Variants in UBE2G1 observed in about 807,000 individuals in gnomAD.
The protein encoded by UBE2G1 is ubiquitin conjugating enzyme E2 G1, also known as ubiquitin-conjugating enzyme E2 G1.
Under a neutral mutation model 22.7 loss-of-function variants are expected in UBE2G1, and 5 were observed. That is an observed-to-expected ratio of 0.22 (90% CI 0.12 to 0.46). The LOEUF (loss-of-function observed/expected upper bound fraction) is 0.46. UBE2G1 is among the 20% of genes least tolerant of loss of function. UBE2G1 has a pLI of 0.99. For synonymous variants in UBE2G1, 74 were observed against 67.5 expected, an observed-to-expected ratio of 1.10 and a Z score of -0.47; for missense variants, 88 against 203.9, an observed-to-expected ratio of 0.43 and a Z score of 3.46.
chr17:4,315,798 TCC>T (rs1194347985), intron 1 of UBE2G1, among the ~76,000 whole-genome samples: 8 of 46,502 alleles, frequency 1.7e-4, no homozygotes, highest in African/African-American at 2.3e-4. Context: ...GAAAAGAGGC[TCC>T]TTTTTTTTTT....
chr17:4,301,521 A>T (rs916899243), intron 2 of UBE2G1: 4 of 1,136,734 alleles, frequency 3.5e-6, no homozygotes, highest in Non-Finnish European at 5.3e-6. Context: ...GCAGGTGAAC[A>T]CCATGAAATT....
chr17:4,361,627 C>T (rs1371894676), intron 1 of UBE2G1, among the ~76,000 whole-genome samples: 1 of 152,120 alleles, frequency 6.6e-6, no homozygotes, highest in Non-Finnish European at 1.5e-5. Context: ...AACATACATA[C>T]AAGAACCTCT....
chr17:4,296,352 T>C (rs1314686404), intron 3 of UBE2G1, among the ~76,000 whole-genome samples: 1 of 152,180 alleles, frequency 6.6e-6, no homozygotes, highest in Non-Finnish European at 1.5e-5. Flanking sequence ...AACCTGCACC[T>C]CCCGGGTTCA....
chr17:4,310,907 G>T (rs1969302754), intron 1 of UBE2G1, among the ~76,000 whole-genome samples: 2 of 152,172 alleles, frequency 1.3e-5, no homozygotes. Flanking sequence ...GGGGCTTAAA[G>T]TAGTAAGTCA....
intron 1 of UBE2G1, among the ~76,000 whole-genome samples, chr17:4,340,392 A>T (rs1969697241): frequency 6.6e-6 from 1 of 151,974 alleles, no homozygotes; most frequent in South Asian, 2.1e-4. Context: ...CCCGGTTCCA[A>T]CTCTCCTTCT....
intron 3 of UBE2G1, 96 bp downstream of exon 3, chr17:4,296,621 A>G: frequency 7.8e-7 from 1 of 1,286,220 alleles, no homozygotes. Flanking sequence ...TGCCAAAGCA[A>G]TTTCACTGAG....
intron 1 of UBE2G1, among the ~76,000 whole-genome samples, chr17:4,357,502 TG>T (rs1567531394): frequency 1.8e-4 from 2 of 11,244 alleles, no homozygotes; most frequent in African/African-American, 3.4e-4. Context: ...TGTGTGTGTG[TG>T]TGTGTGGGGG....
chr17:4,328,392 C>CA (rs1338799739), intron 1 of UBE2G1, among the ~76,000 whole-genome samples: 1 of 152,058 alleles, frequency 6.6e-6, no homozygotes, highest in Non-Finnish European at 1.5e-5. Flanking sequence ...CGTATGCATA[C>CA]AAAAAAAGTT....
chr17:4,318,559 TA>T (rs142833254), intron 1 of UBE2G1, among the ~76,000 whole-genome samples: 1 of 152,210 alleles, frequency 6.6e-6, no homozygotes, highest in African/African-American at 2.4e-5. Flanking sequence ...TGCCCTTCTA[TA>T]AACTTAGTTA....
At chr17:4,363,757 CCTGGCT>C (rs1969995538) in intron 1 of UBE2G1, among the ~76,000 whole-genome samples, 1 of 151,640 alleles carries the variant, frequency 6.6e-6, no homozygotes, top group Non-Finnish European at 1.5e-5. Flanking sequence ...TCAAGACCAT[CCTGGCT>C]AACACAGTGA....
intron 1 of UBE2G1, among the ~76,000 whole-genome samples, chr17:4,325,205 A>G (rs1167817078): frequency 3.3e-5 from 5 of 152,236 alleles, no homozygotes; most frequent in Non-Finnish European, 4.4e-5. Flanking sequence ...TATAATGGTA[A>G]GATACACGTC....
intron 1 of UBE2G1, among the ~76,000 whole-genome samples, chr17:4,343,734 G>A (rs926648464): frequency 4.0e-5 from 6 of 151,702 alleles, no homozygotes; most frequent in African/African-American, 7.3e-5. Flanking sequence ...GACTACTGGC[G>A]CCCACCACCA....
rs528992556 is a variant in UBE2G1, at chr17:4,314,530, G to C, written c.47-7407C>G. On this transcript the variant is annotated intron_variant, in intron 1 of 5. Transcript: ENST00000396981. ...TAAAAAGCAAAAGAATCAACATTTAGTGTGATCCTTTTTTATTACACAAAT... is the reference window on the plus strand; with the variant it reads ...TAAAAAGCAAAAGAATCAACATTTACTGTGATCCTTTTTTATTACACAAAT... Among the ~76,000 whole-genome samples the C allele has an allele frequency of 2.0e-5, 3 of 152,296 alleles. No individual in the cohort carries two copies. In the South Asian group the frequency reaches 6.2e-4, roughly 32 times the overall value.
chr17:4,340,910 A>C (rs959887131), intron 1 of UBE2G1, among the ~76,000 whole-genome samples: 2 of 150,656 alleles, frequency 1.3e-5, no homozygotes, highest in Non-Finnish European at 1.5e-5. Context: ...AAAAAAAAAA[A>C]AACAAAACCT....
At chr17:4,338,689 A>G (rs1389285342) in intron 1 of UBE2G1, among the ~76,000 whole-genome samples, 1 of 152,246 alleles carries the variant, frequency 6.6e-6, no homozygotes, top group Non-Finnish European at 1.5e-5. Flanking sequence ...TGGTCTAGCT[A>G]GGCAGTATGC....
chr17:4,356,029 T>G (rs1202382658), intron 1 of UBE2G1, among the ~76,000 whole-genome samples: 2 of 142,580 alleles, frequency 1.4e-5, no homozygotes, highest in Non-Finnish European at 3.0e-5. Flanking sequence ...CTTTACTTTC[T>G]TAATAAACTT....
chr17:4,335,311 C>T (rs983424872), intron 1 of UBE2G1: 85 of 152,156 alleles, frequency 5.6e-4, no homozygotes, highest in African/African-American at 2.0e-3. Context: ...AATACTCAGG[C>T]AGAAGTAGGT....
At chr17:4,351,388 C>T (rs1969843354) in intron 1 of UBE2G1, among the ~76,000 whole-genome samples, 1 of 152,254 alleles carries the variant, frequency 6.6e-6, no homozygotes. Flanking sequence ...AACACAATAC[C>T]CTCGTCTGTG....
intron 1 of UBE2G1, among the ~76,000 whole-genome samples, chr17:4,330,181 T>C (rs929496112): frequency 2.6e-5 from 4 of 152,138 alleles, no homozygotes; most frequent in South Asian, 2.1e-4. Context: ...ACACCATCTA[T>C]AGTATGGGGC....
Sources: gnomAD v4.1 joint callset for allele counts (sites outside exome capture counted in the v4.1 genomes callset) on GRCh38, gnomAD v4.1.1 for gene constraint, MANE v1.5 for transcripts, NCBI Gene and HGNC (gene_info 2026-07-23, HGNC 2026-07-21) for gene names.